JCAD: variants seen among roughly 807,000 people sequenced by gnomAD.
JCAD encodes the protein junctional cadherin 5-associated protein.
A neutral mutation model predicts 98.0 loss-of-function variants in JCAD; 40 were observed. That is an observed-to-expected ratio of 0.41 (90% CI 0.32 to 0.53). JCAD has a LOEUF of 0.53. Ranked by LOEUF, JCAD falls within the 20% of genes least tolerant of loss-of-function variation. The pLI, the probability that JCAD is intolerant of heterozygous loss-of-function variation, is 0.31. For synonymous variants in JCAD, 691 were observed against 682.3 expected (o/e 1.01, Z -0.20); for missense variants, 1,705 against 1,738.1 (o/e 0.98, Z 0.34).
chr10:30,038,250 G>A (rs1295969014), intron 2 of JCAD, among the ~76,000 whole-genome samples: 1 of 152,196 alleles, frequency 6.6e-6, no homozygotes, highest in Non-Finnish European at 1.5e-5. Context: ...TGGTGCTGAT[G>A]TGAAGGATGG....
At position 30,027,720 on chromosome 10, in the gene JCAD, A is replaced by C. The variant is rs771032460; in HGVS notation, c.2428T>G (p.Cys810Gly). ...EVVKGEPTGP[C>G]NSKQLFGQFL... is the part of the protein sequence containing the mutation. ...TGCCCAAAGAGTTGTTTACTGTTGC[A>C]AGGGCCCGTGGGCTCCCCCTTCACC... Residue 810 changes from cysteine (C) to glycine (G), a missense_variant, in exon 3 of 4, where the codon TGC becomes GGC. Physicochemically the swap from Cys to Gly is radical, Grantham distance 159. Transcript: ENST00000375377. 3 of 1,614,200 alleles carry C rather than the reference A, an allele frequency of 1.9e-6. No individual in the cohort carries two copies. In the South Asian group the frequency reaches 3.3e-5, roughly 18 times the overall value.
chr10:30,052,797 G>A (rs1254225920), intron 1 of JCAD, among the ~76,000 whole-genome samples: 1 of 152,086 alleles, frequency 6.6e-6, no homozygotes, highest in Non-Finnish European at 1.5e-5. Context: ...TTTCAATTAC[G>A]GATCTTCTCA....
intron 3 of JCAD, 182 bp downstream of exon 3, chr10:30,025,921 A>G: frequency 1.4e-6 from 1 of 718,058 alleles, no homozygotes. Context: ...AAGATCTTGA[A>G]TTTTAAAGAT....
In JCAD at chr10:30,029,455, T is replaced by C; in HGVS notation, c.693A>G (p.Ser231=). 3 of 1,614,142 alleles carry C rather than the reference T, an allele frequency of 1.9e-6. No homozygotes were observed. Among genetic ancestry groups the C allele is most frequent in the Non-Finnish European group, 2.5e-6 (3 of 1,180,014 alleles). The change falls in exon 3 of 4, where the codon TCA becomes TCG. Residue 231 remains serine, a synonymous_variant. Transcript: ENST00000375377. ...LNSQNKGKSR[S]LPRVLSPESL... ...TCTCGGGGGAAAGAACTCTAGGCAG[T>C]GAGCGAGACTTCCCTTTGTTTTGAG...
intron 1 of JCAD, among the ~76,000 whole-genome samples, chr10:30,054,774 A>T (rs1837535129): frequency 1.3e-5 from 2 of 150,878 alleles, no homozygotes; most frequent in Non-Finnish European, 2.9e-5. Context: ...GGTTCACGCC[A>T]TTCTCCTGCC....
At chr10:30,072,998 A>G (rs1837920745) in intron 1 of JCAD, among the ~76,000 whole-genome samples, 1 of 152,208 alleles carries the variant, frequency 6.6e-6, no homozygotes. Context: ...GACCAGTCCT[A>G]ACATTCACTT....
At chr10:30,041,501 A>G (rs1254739558) in intron 2 of JCAD, among the ~76,000 whole-genome samples, 2 of 152,234 alleles carry the variant, frequency 1.3e-5, no homozygotes, top group African/African-American at 4.8e-5. Context: ...AAAGACCCTG[A>G]AAATGAACTG....
At chr10:30,094,622 C>T (rs1017229811) in intron 1 of JCAD, among the ~76,000 whole-genome samples, 4 of 152,198 alleles carry the variant, frequency 2.6e-5, no homozygotes, top group African/African-American at 9.7e-5. Context: ...CTACTTCTAC[C>T]TGCATTTTCC....
rs190443420 is a variant in JCAD at position 30,056,290 on chromosome 10, T to C, written c.-60+3192A>G. ...ATCTTCAGAATAAAAAAAAGCCAAG[T>C]CTTTATCAAAGTGTTTGACTTAAAT... On this transcript the variant is annotated intron_variant, in intron 1 of 3. Transcript: ENST00000375377. 6.6e-5 allele frequency among the ~76,000 whole-genome samples: 10 copies of C among 152,322 alleles called. No homozygotes were observed. In the East Asian group the frequency reaches 1.9e-3, roughly 29 times the overall value.
At chr10:30,110,391 G>T (rs990535856) in intron 1 of JCAD, among the ~76,000 whole-genome samples, 2 of 151,600 alleles carry the variant, frequency 1.3e-5, no homozygotes, top group Non-Finnish European at 2.9e-5. Flanking sequence ...CAGCTGATGT[G>T]TGGACCAGCT....
intron 3 of JCAD, among the ~76,000 whole-genome samples, chr10:30,018,118 A>G (rs1836575907): frequency 6.6e-6 from 1 of 152,204 alleles, no homozygotes; most frequent in African/African-American, 2.4e-5. Context: ...AATTGTGCAT[A>G]GTCATTACCC....
rs1314167115 is a variant in JCAD, at chr10:30,097,938, A to G, written n.128+17429T>C. 2.6e-5 allele frequency among the ~76,000 whole-genome samples: 4 copies of G among 152,148 alleles called. No individual in the cohort carries two copies. The East Asian group carries it at 7.7e-4, about 29-fold the overall frequency. ...TCAAAGTCATCAAGGAAACGTCAAG[A>G]GTTCAACCACAGAGGCTCCAGGAAG... On this transcript the variant is annotated intron_variant and non_coding_transcript_variant, in intron 1 of 2. Transcript: ENST00000465712.
chr10:30,061,777 ATTAC>A (rs1372880263), upstream of JCAD, among the ~76,000 whole-genome samples: 1 of 150,884 alleles, frequency 6.6e-6, no homozygotes, highest in African/African-American at 2.4e-5. Flanking sequence ...CAGCAGTGAT[ATTAC>A]TTCTTGTCAA....
rs1564442415 is a variant in JCAD at position 30,027,349 on chromosome 10, G to T, written c.2799C>A (p.Gly933=). ...GHPRAWPPSP[G]RFRVEEGGGA... is the part of the protein sequence containing the mutation. ...CGCCACCTTCTTCCACGCGAAAGCG[G>T]CCCGGGGATGGAGGCCAGGCACGTG... is the stretch of plus-strand genomic sequence containing the variant. The change falls in exon 3 of 4, where the codon GGC becomes GGA. Residue 933 remains glycine, a synonymous_variant. Transcript: ENST00000375377. 1.9e-6 allele frequency: 3 copies of T among 1,611,946 alleles called. No individual in the cohort carries two copies. The highest frequency in any genetic ancestry group is 1.7e-6 in the Non-Finnish European group (2 of 1,180,032).
chr10:30,047,435 C>T lies in JCAD; in HGVS notation c.281+97G>A, dbSNP rs934418918. The T allele has an allele frequency of 6.3e-6, 9 of 1,423,510 alleles. No homozygotes were observed. The Admixed American group carries it at 1.1e-4, about 18-fold the overall frequency. The allele number at this position is 1,423,510 out of a possible 1,614,324, so 88.2% of individuals were successfully genotyped here. ...TCTAATACCATTTCTCCCTCCTTGG[C>T]CCTGGCCAAATATAGATTTGAAAGA... is the stretch of plus-strand genomic sequence containing the variant. On this transcript the variant is annotated intron_variant, in intron 2 of 3. Transcript: ENST00000375377.
At chr10:30,092,853 C>T (rs765136496) in intron 1 of JCAD, among the ~76,000 whole-genome samples, 1 of 152,128 alleles carries the variant, frequency 6.6e-6, no homozygotes, top group African/African-American at 2.4e-5. Context: ...TACTGCTTAG[C>T]ATCTCCAACT....
At position 30,022,157 on chromosome 10, in the gene JCAD, C is replaced by G. The variant is rs548771438; in HGVS notation, c.4045+3946G>C. On this transcript the variant is annotated intron_variant, in intron 3 of 3. Coordinates refer to ENST00000375377, the MANE Select transcript of JCAD (RefSeq NM_020848.4). ...CGTTTTGGGCTGTTGATTTCTTAACCAGAGGCATGAAAGACCACTAAAGAC... is the reference window on the plus strand; with the variant it reads ...CGTTTTGGGCTGTTGATTTCTTAACGAGAGGCATGAAAGACCACTAAAGAC... 7.2e-5 allele frequency among the ~76,000 whole-genome samples: 11 copies of G among 152,224 alleles called. No homozygotes were observed. In the South Asian group the frequency reaches 2.3e-3, roughly 32 times the overall value.
At position 30,028,450 on chromosome 10, in the gene JCAD, C is replaced by T. The variant is rs757147472; in HGVS notation, c.1698G>A (p.Arg566=). 3 of 1,614,188 alleles carry T rather than the reference C, an allele frequency of 1.9e-6. No individual in the cohort carries two copies. The highest frequency in any genetic ancestry group is 4.5e-5 in the East Asian group (2 of 44,886). The change falls in exon 3 of 4, where the codon CGG becomes CGA. Residue 566 remains arginine, a synonymous_variant. Coordinates refer to ENST00000375377, the MANE Select transcript of JCAD (RefSeq NM_020848.4). ...TTTTTTTCTTTGAACTTTTCTTGGTCCGAGTCCCAGTTTGGAACTTTTTGA... is the reference window on the plus strand; with the variant it reads ...TTTTTTTCTTTGAACTTTTCTTGGTTCGAGTCCCAGTTTGGAACTTTTTGA... ...TKLKKFQTGT[R]TKKSSKKKMN...
chr10:30,056,812 T>G (rs972273743), intron 1 of JCAD, among the ~76,000 whole-genome samples: 20 of 152,182 alleles, frequency 1.3e-4, no homozygotes, highest in Non-Finnish European at 2.5e-4. Flanking sequence ...TAATTGAGGT[T>G]TTAGTATCTG....
Sources: allele counts gnomAD v4.1 joint callset (sites outside exome capture counted in the v4.1 genomes callset), GRCh38; gene constraint gnomAD v4.1.1; transcripts MANE v1.5; gene names NCBI Gene and HGNC (gene_info 2026-07-23, HGNC 2026-07-21).